The following MED13L variants were observed in gnomAD, a reference collection of about 807,000 sequenced individuals.
The protein encoded by MED13L is mediator of RNA polymerase II transcription subunit 13-like.
Under a neutral mutation model 220.9 loss-of-function variants are expected in MED13L, and 7 were observed. That is an observed-to-expected ratio of 0.03 (90% CI 0.02 to 0.06). The LOEUF (loss-of-function observed/expected upper bound fraction) is 0.06. MED13L is among the 10% of genes least tolerant of loss of function. The probability of loss-of-function intolerance (pLI) is 1.00; values close to 1 mark genes in which losing one functional copy is unlikely to be tolerated. For missense variants in MED13L, 1,965 were observed against 2,760.5 expected, an observed-to-expected ratio of 0.71 and a Z score of 6.46; for synonymous variants, 1,011 against 1,015.2, an observed-to-expected ratio of 1.00 and a Z score of 0.08.
chr12:116,251,520 G>A (rs1212769566), intron 1 of MED13L, among the ~76,000 whole-genome samples: 1 of 148,510 alleles, frequency 6.7e-6, no homozygotes, highest in East Asian at 2.0e-4. Context: ...AGCACTTTGG[G>A]AGGCCGAGAT....
At chr12:116,114,591 T>A (rs1270272143) in intron 2 of MED13L, among the ~76,000 whole-genome samples, 1 of 149,248 alleles carries the variant, frequency 6.7e-6, no homozygotes, top group Non-Finnish European at 1.5e-5. Flanking sequence ...GGTAAGGATG[T>A]CTGCTCTCAC....
chr12:116,204,962 G>A (rs1882221578), intron 2 of MED13L, among the ~76,000 whole-genome samples: 1 of 152,088 alleles, frequency 6.6e-6, no homozygotes, highest in African/African-American at 2.4e-5. Context: ...GATCACAGCT[G>A]GGACAAATAC....
At position 116,134,675 on chromosome 12, in the gene MED13L, A is replaced by C. The variant is rs547326372; in HGVS notation, c.311-23163T>G. On this transcript the variant is annotated intron_variant, in intron 2 of 30. Coordinates refer to ENST00000281928, the MANE Select transcript of MED13L (RefSeq NM_015335.5). ...CCCTGTTAAATGCAAGTTAAATGCA[A>C]TTAAGTCTTTTACCTTATTTACCTA... 2.0e-5 allele frequency among the ~76,000 whole-genome samples: 3 copies of C among 152,334 alleles called. No homozygotes were observed. In the South Asian group the frequency reaches 6.2e-4, roughly 32 times the overall value.
intron 4 of MED13L, among the ~76,000 whole-genome samples, chr12:116,026,764 T>C (rs1210015871): frequency 1.3e-5 from 2 of 152,202 alleles, no homozygotes; most frequent in Non-Finnish European, 1.5e-5. Flanking sequence ...CCCTGTGACC[T>C]AGCAACAGCA....
intron 2 of MED13L, among the ~76,000 whole-genome samples, chr12:116,130,273 G>T (rs1476713363): frequency 6.6e-6 from 1 of 152,116 alleles, no homozygotes; most frequent in Non-Finnish European, 1.5e-5. Flanking sequence ...GGTTAAGAAT[G>T]ACTATTTTAA....
At chr12:115,982,192 C>T (rs1188273974) in intron 22 of MED13L, 192 bp downstream of exon 22, 5 of 610,148 alleles carry the variant, frequency 8.2e-6, no homozygotes, top group African/African-American at 7.4e-5. Context: ...GGGCCCACTG[C>T]AAAGGTCTCC....
chr12:116,271,581 G>A (rs1022296988), intron 1 of MED13L, among the ~76,000 whole-genome samples: 3 of 149,640 alleles, frequency 2.0e-5, no homozygotes, highest in Non-Finnish European at 3.0e-5. Flanking sequence ...AGCCGCGATC[G>A]CGCCACTGCA....
chr12:116,107,601 T>G (rs1308370011), intron 3 of MED13L, among the ~76,000 whole-genome samples: 2 of 152,236 alleles, frequency 1.3e-5, no homozygotes, highest in Non-Finnish European at 2.9e-5. Context: ...TTTATATGGC[T>G]CCTGCTTAGC....
At chr12:116,074,957 A>T (rs1168932496) in intron 4 of MED13L, among the ~76,000 whole-genome samples, 2 of 152,262 alleles carry the variant, frequency 1.3e-5, no homozygotes, top group African/African-American at 4.8e-5. Context: ...AGCAAGGTTC[A>T]TTTAAAACAA....
At chr12:116,122,715 T>C (rs927601334) in intron 2 of MED13L, among the ~76,000 whole-genome samples, 51 of 152,302 alleles carry the variant, frequency 3.3e-4, no homozygotes, top group African/African-American at 1.2e-3. Context: ...GTGTACTATC[T>C]TCCTAAGGAA....
intron 2 of MED13L, among the ~76,000 whole-genome samples, chr12:116,218,300 T>G (rs1406494874): frequency 1.3e-5 from 2 of 152,162 alleles, no homozygotes; most frequent in Non-Finnish European, 2.9e-5. Flanking sequence ...AATCTAATAT[T>G]TAACACACTG....
At chr12:116,044,882 A>G (rs1005172658) in intron 4 of MED13L, among the ~76,000 whole-genome samples, 1 of 152,184 alleles carries the variant, frequency 6.6e-6, no homozygotes, top group Non-Finnish European at 1.5e-5. Flanking sequence ...AGCTACTGTC[A>G]ACAGGATGAG....
At chr12:116,001,577 C>G (rs1019786553) in intron 14 of MED13L, among the ~76,000 whole-genome samples, 1 of 152,132 alleles carries the variant, frequency 6.6e-6, no homozygotes, top group African/African-American at 2.4e-5. Context: ...ATTGTCATTT[C>G]TTGGGAGGAA....
intron 8 of MED13L, among the ~76,000 whole-genome samples, chr12:116,014,238 C>A (rs1028331308): frequency 7.9e-5 from 12 of 152,190 alleles, no homozygotes; most frequent in Admixed American, 6.5e-5. Context: ...AAACTTGGAA[C>A]AGTAGTCACT....
chr12:116,038,920 G>A lies in MED13L; in HGVS notation c.480-16319C>T, dbSNP rs141625201. On this transcript the variant is annotated intron_variant, in intron 4 of 30. Coordinates refer to ENST00000281928, the MANE Select transcript of MED13L (RefSeq NM_015335.5). The stretch of plus-strand genomic sequence containing the variant: ...CTCATCTATTTTTTTTTCCCGCCTC[G>A]TTAAATTTACTATATGAAAGCTACC... Among the ~76,000 whole-genome samples, 36 of 149,024 alleles carry A rather than the reference G, an allele frequency of 2.4e-4. No individual in the cohort carries two copies. In the East Asian group the frequency reaches 5.3e-3, roughly 22 times the overall value.
At chr12:116,101,428 T>C (rs752653983) in intron 3 of MED13L, among the ~76,000 whole-genome samples, 5 of 152,244 alleles carry the variant, frequency 3.3e-5, no homozygotes, top group Admixed American at 6.5e-5. Context: ...CTATTCATAA[T>C]GTAATGCTGG....
chr12:116,148,848 G>A (rs754155111), intron 2 of MED13L, among the ~76,000 whole-genome samples: 8 of 152,102 alleles, frequency 5.3e-5, no homozygotes, highest in Non-Finnish European at 8.8e-5. Flanking sequence ...AACTAGCCAT[G>A]TAGATCTGTT....
In MED13L at chr12:116,237,767, T is replaced by A. The variant is rs148523950; in HGVS notation, c.73-62A>T. 387 of 1,378,986 alleles carry A rather than the reference T, an allele frequency of 2.8e-4. 1 individual carries two copies. The African/African-American group carries it at 4.9e-3, about 18-fold the overall frequency. 85.4% of individuals were successfully genotyped at this position (1,378,986 alleles called of 1,614,324 possible). A position where few individuals can be genotyped will look rare whatever the true frequency, so the allele number is the denominator to read the frequency against. On this transcript the variant is annotated intron_variant, in intron 1 of 30. Coordinates refer to ENST00000281928, the MANE Select transcript of MED13L (RefSeq NM_015335.5). ...TTTACTTACAGACCACTAAAAACAG[T>A]CTTCCATACAGAAAAGCAATTGTGC...
intron 2 of MED13L, among the ~76,000 whole-genome samples, chr12:116,166,836 TGAATAAGTACAGA>T (rs746746063): frequency 3.1e-4 from 47 of 152,208 alleles, no homozygotes; most frequent in Non-Finnish European, 6.0e-4. Context: ...ATTTGTTGAA[TGAATAAGTACAGA>T]GAAGGATTTT....
Sources: allele counts gnomAD v4.1 joint callset (sites outside exome capture counted in the v4.1 genomes callset), GRCh38; gene constraint gnomAD v4.1.1; transcripts MANE v1.5; gene names NCBI Gene and HGNC (gene_info 2026-07-23, HGNC 2026-07-21).